The following MACROD2 variants were observed in gnomAD, a reference collection of about 807,000 sequenced individuals.
The protein encoded by MACROD2 is ADP-ribose glycohydrolase MACROD2.
MACROD2 carries 36 observed loss-of-function variants against 70.4 expected under a neutral mutation model. The observed-to-expected ratio is 0.51, with a 90% CI of 0.39 to 0.68. The LOEUF is 0.68. MACROD2 is among the 30% of genes least tolerant of loss of function. MACROD2 has a pLI of 0.00. For missense variants in MACROD2, 496 were observed against 538.4 expected (o/e 0.92, Z 0.78); for synonymous variants, 172 against 178.8 (o/e 0.96, Z 0.30).
chr20:15,140,283 G>C (rs908576270), intron 5 of MACROD2, among the ~76,000 whole-genome samples: 1 of 152,160 alleles, frequency 6.6e-6, no homozygotes, highest in Non-Finnish European at 1.5e-5. Context: ...TATGATGGAA[G>C]AACCTTGCTG....
At chr20:14,382,555 C>T (rs1032517877) in intron 3 of MACROD2, among the ~76,000 whole-genome samples, 10 of 151,842 alleles carry the variant, frequency 6.6e-5, no homozygotes, top group African/African-American at 1.5e-4. Context: ...GTAATCCCAG[C>T]GACTCCGGAG....
intron 10 of MACROD2, among the ~76,000 whole-genome samples, chr20:15,931,246 G>C (rs1170405419): frequency 2.0e-5 from 3 of 152,130 alleles, no homozygotes; most frequent in Non-Finnish European, 4.4e-5. Flanking sequence ...TTCCTTCATG[G>C]AGAACCAGAA....
At chr20:14,648,634 ATATCTATC>A (rs1257755852) in intron 4 of MACROD2, among the ~76,000 whole-genome samples, 4 of 151,780 alleles carry the variant, frequency 2.6e-5, no homozygotes, top group African/African-American at 9.7e-5. Context: ...ATATATATAT[ATATCTATC>A]TATCTCACAT....
intron 3 of MACROD2, among the ~76,000 whole-genome samples, chr20:14,311,953 A>G (rs2082571390): frequency 6.6e-6 from 1 of 152,260 alleles, no homozygotes; most frequent in African/African-American, 2.4e-5. Flanking sequence ...ACTATAAAAT[A>G]TGCTCAAATT....
At chr20:14,600,648 T>C (rs1022011505) in intron 4 of MACROD2, among the ~76,000 whole-genome samples, 3 of 152,190 alleles carry the variant, frequency 2.0e-5, no homozygotes, top group African/African-American at 4.8e-5. Context: ...AGAAATTAAA[T>C]GACATTTATA....
intron 5 of MACROD2, among the ~76,000 whole-genome samples, chr20:14,694,810 C>T (rs1353911230): frequency 6.6e-6 from 1 of 152,070 alleles, no homozygotes; most frequent in Admixed American, 6.6e-5. Flanking sequence ...GTATCTTGAC[C>T]TCAGAGAAAA....
rs554323411 is a variant in MACROD2 at position 14,397,883 on chromosome 20, T to A, written c.272-95596T>A. On this transcript the variant is annotated intron_variant, in intron 3 of 17. Coordinates refer to ENST00000684519, the MANE Select transcript of MACROD2 (RefSeq NM_001351661.2). ...CTATTAATAAAACTCTGTCTTCTCC[T>A]CCCTGCTACATTTCCCAGCCTCTAG... is the stretch of plus-strand genomic sequence containing the variant. Among the ~76,000 whole-genome samples the A allele has an allele frequency of 2.0e-5, 3 of 152,308 alleles. No individual in the cohort carries two copies. The East Asian group carries it at 5.8e-4, about 29-fold the overall frequency.
At chr20:15,874,571 C>T (rs865979350) in intron 9 of MACROD2, among the ~76,000 whole-genome samples, 16 of 152,232 alleles carry the variant, frequency 1.1e-4, no homozygotes, top group Non-Finnish European at 2.1e-4. Context: ...TCCTCTCCAG[C>T]GTCTGTTGTT....
At chr20:15,837,140 T>C (rs2064122997) in intron 8 of MACROD2, among the ~76,000 whole-genome samples, 1 of 151,986 alleles carries the variant, frequency 6.6e-6, no homozygotes, top group Non-Finnish European at 1.5e-5. Context: ...TGAAGGATAG[T>C]AGACGAAAAA....
intron 5 of MACROD2, among the ~76,000 whole-genome samples, chr20:14,711,173 G>C (rs995465983): frequency 6.6e-6 from 1 of 152,170 alleles, no homozygotes; most frequent in Non-Finnish European, 1.5e-5. Context: ...TGGGTCATGA[G>C]TTTTCTTCCT....
At chr20:14,204,432 G>T (rs1349768166) in intron 3 of MACROD2, among the ~76,000 whole-genome samples, 1 of 152,030 alleles carries the variant, frequency 6.6e-6, no homozygotes, top group Non-Finnish European at 1.5e-5. Flanking sequence ...TAGTCTGGTG[G>T]GGGCTGAGCT....
At chr20:14,515,313 G>T (rs1397999890) in intron 4 of MACROD2, among the ~76,000 whole-genome samples, 1 of 151,758 alleles carries the variant, frequency 6.6e-6, no homozygotes, top group African/African-American at 2.4e-5. Flanking sequence ...TCCACTTCTT[G>T]CTCTGTATAC....
chr20:15,357,995 A>T (rs1322521178), intron 6 of MACROD2, among the ~76,000 whole-genome samples: 1 of 151,968 alleles, frequency 6.6e-6, no homozygotes, highest in Non-Finnish European at 1.5e-5. Flanking sequence ...TTTTTAGTAG[A>T]GACGGGGTTT....
intron 6 of MACROD2, among the ~76,000 whole-genome samples, chr20:15,380,589 C>G (rs2045630029): frequency 6.6e-6 from 1 of 151,924 alleles, no homozygotes; most frequent in African/African-American, 2.4e-5. Context: ...TTCAGGTAAC[C>G]TAAGTCAACT....
intron 5 of MACROD2, among the ~76,000 whole-genome samples, chr20:14,864,624 A>G (rs932222223): frequency 3.3e-5 from 5 of 152,072 alleles, no homozygotes; most frequent in Admixed American, 2.0e-4. Context: ...GAACCGACGG[A>G]CCTTGTCTTT....
At chr20:14,202,843 GT>G (rs2081490495) in intron 3 of MACROD2, among the ~76,000 whole-genome samples, 1 of 152,142 alleles carries the variant, frequency 6.6e-6, no homozygotes, top group Non-Finnish European at 1.5e-5. Context: ...GAGGTCAGGA[GT>G]TTGAGACCAG....
At chr20:14,904,429 A>G (rs1010218077) in intron 5 of MACROD2, among the ~76,000 whole-genome samples, 12 of 152,170 alleles carry the variant, frequency 7.9e-5, no homozygotes, top group African/African-American at 2.2e-4. Flanking sequence ...GCCTAATTAG[A>G]ATATTATGTT....
intron 6 of MACROD2, among the ~76,000 whole-genome samples, chr20:15,334,339 A>G (rs968831998): frequency 3.3e-5 from 5 of 151,698 alleles, no homozygotes; most frequent in Admixed American, 6.6e-5. Flanking sequence ...TGACTCACCA[A>G]CATAGATTTT....
chr20:15,554,649 T>C (rs1273156550), intron 8 of MACROD2, among the ~76,000 whole-genome samples: 2 of 152,220 alleles, frequency 1.3e-5, no homozygotes, highest in Admixed American at 6.5e-5. Context: ...GTTGGAATGA[T>C]TTAATGAACT....
Sources: gnomAD v4.1 joint callset for allele counts (sites outside exome capture counted in the v4.1 genomes callset) on GRCh38, gnomAD v4.1.1 for gene constraint, MANE v1.5 for transcripts, NCBI Gene and HGNC (gene_info 2026-07-23, HGNC 2026-07-21) for gene names.